MBD5: variants seen among roughly 807,000 people sequenced by gnomAD.
MBD5 encodes the protein methyl-CpG-binding domain protein 5.
Under a neutral mutation model 117.3 loss-of-function variants are expected in MBD5, and 13 were observed. The observed-to-expected ratio is 0.11, with a 90% CI of 0.07 to 0.18. The LOEUF is 0.18. Ranked by LOEUF, MBD5 falls within the 10% of genes least tolerant of loss-of-function variation. The pLI is 1.00. For synonymous variants in MBD5, 727 were observed against 766.4 expected (o/e 0.95, Z 0.85); for missense variants, 1,879 against 2,093.8 (o/e 0.90, Z 2.00).
chr2:148,199,811 A>G (rs1399493742), intron 2 of MBD5, among the ~76,000 whole-genome samples: 1 of 152,106 alleles, frequency 6.6e-6, no homozygotes, highest in Non-Finnish European at 1.5e-5. Context: ...GGATTTCTTT[A>G]TTATCCCAGC....
intron 8 of MBD5, 116 bp downstream of exon 8, chr2:148,470,577 C>G: frequency 1.2e-6 from 1 of 819,680 alleles, no homozygotes; most frequent in Non-Finnish European, 1.8e-6. Context: ...TTGTGAAATT[C>G]TCTTCATTTC....
chr2:148,323,774 T>G (rs1478188665), intron 3 of MBD5, among the ~76,000 whole-genome samples: 1 of 152,228 alleles, frequency 6.6e-6, no homozygotes, highest in Admixed American at 6.5e-5. Context: ...TGCAAAAATT[T>G]TCTCCCATTT....
chr2:148,498,556 T>C (rs1168279379), intron 11 of MBD5, among the ~76,000 whole-genome samples: 2 of 152,176 alleles, frequency 1.3e-5, no homozygotes, highest in Admixed American at 1.3e-4. Context: ...CAGGCTGGTC[T>C]GGAACTCCTG....
rs1573919277 is a variant in MBD5, at chr2:148,021,355, A to C, written c.-1254A>C. ...CCCCATCCACGACTCCTACCCCCTC[A>C]CCCCTCCAACTCGCCTCCCTCCCTC... On this transcript the variant is annotated 5_prime_UTR_variant, in exon 1 of 14. Transcript: ENST00000642680. The C allele has an allele frequency of 7.8e-6, 3 of 385,282 alleles. No individual in the cohort carries two copies. Among genetic ancestry groups the C allele is most frequent in the African/African-American group, 2.1e-5 (1 of 46,902 alleles). 23.9% of individuals were successfully genotyped at this position (385,282 alleles called of 1,614,324 possible).
chr2:148,148,241 G>C (rs1363537606), intron 1 of MBD5, among the ~76,000 whole-genome samples: 1 of 152,146 alleles, frequency 6.6e-6, no homozygotes, highest in Non-Finnish European at 1.5e-5. Flanking sequence ...TATGAGAATG[G>C]ACATTTGGGA....
At chr2:148,398,731 T>C (rs551574555) in intron 4 of MBD5, among the ~76,000 whole-genome samples, 88 of 152,286 alleles carry the variant, frequency 5.8e-4, no homozygotes, top group Non-Finnish European at 9.4e-4. Context: ...CTTGCCCATG[T>C]CTATGTCCTG....
At position 148,434,972 on chromosome 2, in the gene MBD5, T is replaced by C. The variant is rs532477944; in HGVS notation, c.-556-23231T>C. Among the ~76,000 whole-genome samples the C allele has an allele frequency of 5.9e-5, 9 of 152,294 alleles. No individual in the cohort carries two copies. In the South Asian group the frequency reaches 1.9e-3, roughly 32 times the overall value. The stretch of plus-strand genomic sequence containing the variant: ...TAGAGAGTTAGGTCTTCTTGTGGAA[T>C]TGAACCCTTTGTCATTTACATAATG... On this transcript the variant is annotated intron_variant, in intron 4 of 13. Coordinates refer to ENST00000642680, the MANE Select transcript of MBD5 (RefSeq NM_001378120.1).
At chr2:148,237,580 A>C (rs1444991387) in intron 3 of MBD5, among the ~76,000 whole-genome samples, 1 of 152,176 alleles carries the variant, frequency 6.6e-6, no homozygotes, top group Non-Finnish European at 1.5e-5. Flanking sequence ...ACCCCAAAAC[A>C]ATTACAGGAG....
intron 10 of MBD5, 120 bp from the exon 11 acceptor site, chr2:148,489,266 A>C: frequency 1.4e-5 from 17 of 1,185,058 alleles, no homozygotes; most frequent in Non-Finnish European, 2.1e-5. Flanking sequence ...CTTGTTCTTT[A>C]TATTTCCTTC....
At chr2:148,123,144 A>C (rs968795769) in intron 1 of MBD5, among the ~76,000 whole-genome samples, 10 of 152,256 alleles carry the variant, frequency 6.6e-5, no homozygotes, top group Non-Finnish European at 1.3e-4. Context: ...ATGTGGGCAC[A>C]CAATGAGTAC....
At chr2:148,052,321 C>T (rs1007938969) in intron 1 of MBD5, among the ~76,000 whole-genome samples, 1 of 147,260 alleles carries the variant, frequency 6.8e-6, no homozygotes, top group Non-Finnish European at 1.5e-5. Flanking sequence ...AGCAATTCCC[C>T]TGCCTCAGCC....
At chr2:148,058,186 G>A (rs528902432) in intron 1 of MBD5, among the ~76,000 whole-genome samples, 6 of 151,778 alleles carry the variant, frequency 4.0e-5, no homozygotes, top group South Asian at 2.1e-4. Context: ...CTTATAATAC[G>A]TATTACATTT....
chr2:148,095,119 G>A (rs1045316328), intron 1 of MBD5, among the ~76,000 whole-genome samples: 4 of 152,152 alleles, frequency 2.6e-5, no homozygotes, highest in African/African-American at 9.7e-5. Context: ...GACATTCCCA[G>A]CATATGCCTA....
chr2:148,275,542 C>T (rs1291944366), intron 3 of MBD5, among the ~76,000 whole-genome samples: 1 of 152,174 alleles, frequency 6.6e-6, no homozygotes, highest in Non-Finnish European at 1.5e-5. Context: ...GGGAGAATTT[C>T]TTCACAGGAG....
chr2:148,263,700 C>A (rs1000950454), intron 3 of MBD5, among the ~76,000 whole-genome samples: 1 of 152,034 alleles, frequency 6.6e-6, no homozygotes, highest in East Asian at 1.9e-4. Flanking sequence ...CCCTGCTGCA[C>A]AATTAAGGGA....
chr2:148,062,878 A>G (rs1462308540), intron 1 of MBD5, among the ~76,000 whole-genome samples: 1 of 151,998 alleles, frequency 6.6e-6, no homozygotes, highest in Non-Finnish European at 1.5e-5. Flanking sequence ...AAATGCAGTC[A>G]CTTATATTTC....
chr2:148,516,771 T>G lies in MBD5; in HGVS notation c.*3830T>G, dbSNP rs1463789815. On this transcript the variant is annotated 3_prime_UTR_variant, in exon 14 of 14. Coordinates refer to ENST00000642680, the MANE Select transcript of MBD5 (RefSeq NM_001378120.1). ...CTGTAAATATGTATTACCAGCCTTA[T>G]CTGCATTTATACACACTGTGTGTGT... 3.3e-5 allele frequency: 5 copies of G among 152,242 alleles called. No individual in the cohort carries two copies. The highest frequency in any genetic ancestry group is 1.2e-4 in the African/African-American group (5 of 41,470). 9.4% of individuals were successfully genotyped at this position (152,242 alleles called of 1,614,324 possible).
At position 148,449,839 on chromosome 2, in the gene MBD5, A is replaced by G. The variant is rs956365600; in HGVS notation, c.-556-8364A>G. On this transcript the variant is annotated intron_variant, in intron 4 of 13. Coordinates refer to ENST00000642680, the MANE Select transcript of MBD5 (RefSeq NM_001378120.1). ...AACATTAATTAGCTCTTCTACAGAT[A>G]TAACACTTAATTTTTTGAAGATAGT... Among the ~76,000 whole-genome samples, 4 of 152,096 alleles carry G rather than the reference A, an allele frequency of 2.6e-5. 1 individual carries two copies. Among genetic ancestry groups the G allele is most frequent in the African/African-American group, 2.4e-5 (1 of 41,440 alleles).
At chr2:148,277,275 G>A (rs1035835338) in intron 3 of MBD5, among the ~76,000 whole-genome samples, 15 of 152,106 alleles carry the variant, frequency 9.9e-5, no homozygotes, top group Admixed American at 4.6e-4. Flanking sequence ...CCTGTTAAGA[G>A]TTTAGGAAAA....
Sources: gnomAD v4.1 joint callset for allele counts (sites outside exome capture counted in the v4.1 genomes callset) on GRCh38, gnomAD v4.1.1 for gene constraint, MANE v1.5 for transcripts, NCBI Gene and HGNC (gene_info 2026-07-23, HGNC 2026-07-21) for gene names.